The following NXPE2 variants were observed in gnomAD, a reference collection of about 807,000 sequenced individuals.
The protein encoded by NXPE2 is NXPE family member 2.
A neutral mutation model predicts 34.4 loss-of-function variants in NXPE2; 34 were observed. The ratio of observed to expected loss-of-function variants is 0.99; its 90% CI spans 0.75 to 1.31. The LOEUF is 1.31. Among genes scored for constraint, NXPE2 ranks in the 40% most tolerant of loss-of-function variants. NXPE2 has a pLI of 0.00. For synonymous variants in NXPE2, 235 were observed against 231.3 expected (o/e 1.02, Z -0.15); for missense variants, 649 against 672.5 (o/e 0.97, Z 0.39).
chr11:114,512,838 G>A, the NXPE2 span: 1 of 205,152 alleles, frequency 4.9e-6, no homozygotes, highest in Non-Finnish European at 9.9e-6. Flanking sequence ...TCAAGCAGTA[G>A]AAGGCTTCTT....
At chr11:114,554,494 T>C in the NXPE2 span, 2 of 571,888 alleles carry the variant, frequency 3.5e-6, no homozygotes, top group Non-Finnish European at 4.4e-6. Flanking sequence ...ATAAAATGTA[T>C]AGAATTATAA....
chr11:114,470,597 G>A, the NXPE2 span, among the ~76,000 whole-genome samples: 7 of 79,764 alleles, frequency 8.8e-5, no homozygotes, highest in Non-Finnish European at 1.9e-4. Context: ...GTGTGTGTGT[G>A]TGTGTGTGTG....
the NXPE2 span, among the ~76,000 whole-genome samples, chr11:114,497,968 A>C: frequency 6.6e-6 from 1 of 152,114 alleles, no homozygotes; most frequent in Non-Finnish European, 1.5e-5. Context: ...GGTAGTTTTC[A>C]TTATATAAGA....
chr11:114,790,961 T>G, the NXPE2 span, among the ~76,000 whole-genome samples: 2 of 6,478 alleles, frequency 3.1e-4, no homozygotes, highest in Non-Finnish European at 4.1e-3. Context: ...GATTGGGTGT[T>G]TTTTTTTTTC....
At chr11:114,612,642 G>A in the NXPE2 span, among the ~76,000 whole-genome samples, 1 of 151,792 alleles carries the variant, frequency 6.6e-6, no homozygotes, top group Non-Finnish European at 1.5e-5. Context: ...ATTGCCTCGT[G>A]GGTAACCACG....
the NXPE2 span, among the ~76,000 whole-genome samples, chr11:114,558,480 A>C: frequency 6.6e-6 from 1 of 152,164 alleles, no homozygotes; most frequent in Admixed American, 6.5e-5. Flanking sequence ...AATGCCTTCT[A>C]TTAGATTGAG....
chr11:114,758,884 G>C, the NXPE2 span, among the ~76,000 whole-genome samples: 1 of 146,742 alleles, frequency 6.8e-6, no homozygotes, highest in African/African-American at 2.5e-5. Context: ...AAATATAAAC[G>C]TATATAAATT....
the NXPE2 span, among the ~76,000 whole-genome samples, chr11:114,531,774 AC>A: frequency 6.6e-6 from 1 of 152,090 alleles, no homozygotes; most frequent in Non-Finnish European, 1.5e-5. Context: ...ATTCCCCCAA[AC>A]CACCTAAACA....
chr11:114,669,272 T>C, the NXPE2 span, among the ~76,000 whole-genome samples: 1 of 152,106 alleles, frequency 6.6e-6, no homozygotes, highest in South Asian at 2.1e-4. Context: ...GAAAATCTTC[T>C]ATATCTCAGT....
the NXPE2 span, chr11:114,582,568 G>A: frequency 9.3e-6 from 15 of 1,614,020 alleles, no homozygotes; most frequent in East Asian, 3.3e-4. Flanking sequence ...CCTTCACTGG[G>A]GTGGATGAGC....
the NXPE2 span, among the ~76,000 whole-genome samples, chr11:114,627,200 C>T: frequency 1.3e-4 from 20 of 151,492 alleles, no homozygotes; most frequent in South Asian, 2.1e-4. Context: ...GAAGAGCAAC[C>T]CCAAGACACA....
At chr11:114,538,422 G>T in the NXPE2 span, among the ~76,000 whole-genome samples, 2 of 152,108 alleles carry the variant, frequency 1.3e-5, no homozygotes, top group African/African-American at 4.8e-5. Flanking sequence ...AGCCAAAATT[G>T]ACAAATGGGA....
At chr11:114,674,021 T>C (rs906317247), upstream of NXPE2, among the ~76,000 whole-genome samples, 6 of 151,632 alleles carry the variant, frequency 4.0e-5, no homozygotes, top group African/African-American at 1.5e-4. Flanking sequence ...AAGATGATGA[T>C]GGGATTAGTG....
the NXPE2 span, among the ~76,000 whole-genome samples, chr11:114,622,166 G>A: frequency 6.6e-6 from 1 of 151,950 alleles, no homozygotes; most frequent in Admixed American, 6.6e-5. Flanking sequence ...TTACCCAGTG[G>A]ATAATAAGTA....
the NXPE2 span, among the ~76,000 whole-genome samples, chr11:114,607,660 A>G: frequency 6.7e-6 from 1 of 149,650 alleles, no homozygotes; most frequent in Non-Finnish European, 1.5e-5. Flanking sequence ...ACTCTTACAC[A>G]GTGGATAATA....
At position 114,706,873 on chromosome 11, in the gene NXPE2, T is replaced by A; in HGVS notation, c.1623T>A (p.His541Gln). Residue 541 changes from histidine (H) to glutamine (Q), a missense_variant, in exon 6 of 6, where the codon CAT (histidine) becomes CAA (glutamine). Coordinates refer to ENST00000389586, the MANE Select transcript of NXPE2 (RefSeq NM_182495.6). ...MTIAYCTNNA[H>Q]PPDYVIQNQI... is the part of the protein sequence containing the mutation. Reference sequence around the variant, plus strand: ...TTGCATATTGCACCAACAATGCCCATCCACCGGATTATGTGATTCAAAATC... The same window carrying A: ...TTGCATATTGCACCAACAATGCCCAACCACCGGATTATGTGATTCAAAATC... 1 of 1,551,800 alleles carries A rather than the reference T, an allele frequency of 6.4e-7. No homozygotes were observed. The highest frequency in any genetic ancestry group is 1.2e-5 in the South Asian group (1 of 84,052).
the NXPE2 span, among the ~76,000 whole-genome samples, chr11:114,548,599 G>A: frequency 6.6e-6 from 1 of 151,896 alleles, no homozygotes; most frequent in Non-Finnish European, 1.5e-5. Flanking sequence ...AATCAATTGG[G>A]TATTTTGAAA....
At chr11:114,777,899 C>T in the NXPE2 span, among the ~76,000 whole-genome samples, 1 of 152,134 alleles carries the variant, frequency 6.6e-6, no homozygotes, top group South Asian at 2.1e-4. Context: ...CACTGTTTGC[C>T]GTGATTCTGA....
At chr11:114,483,560 A>G in the NXPE2 span, among the ~76,000 whole-genome samples, 36 of 152,356 alleles carry the variant, frequency 2.4e-4, no homozygotes, top group South Asian at 5.0e-3. Context: ...GGAAAAACAC[A>G]TAGAGTTAAA....
Sources: gnomAD v4.1 joint callset for allele counts (sites outside exome capture counted in the v4.1 genomes callset) on GRCh38, gnomAD v4.1.1 for gene constraint, MANE v1.5 for transcripts, NCBI Gene and HGNC (gene_info 2026-07-23, HGNC 2026-07-21) for gene names.